B3GALT1: variants seen among roughly 807,000 people sequenced by gnomAD.
The protein encoded by B3GALT1 is beta-1,3-galactosyltransferase 1, also known as UDP-Gal:betaGlcNAc beta 1,3-galactosyltransferase, polypeptide 1.
A neutral mutation model predicts 23.2 loss-of-function variants in B3GALT1; 10 were observed. The ratio of observed to expected loss-of-function variants is 0.43; its 90% CI spans 0.27 to 0.73. The LOEUF is 0.73. B3GALT1 is among the 30% of genes least tolerant of loss of function. The pLI, the probability that B3GALT1 is intolerant of heterozygous loss-of-function variation, is 0.21. For synonymous variants in B3GALT1, 156 were observed against 141.5 expected (o/e 1.10, Z -0.73); for missense variants, 299 against 405.4 (o/e 0.74, Z 2.25).
intron 1 of B3GALT1, among the ~76,000 whole-genome samples, chr2:167,402,111 CAA>C (rs1698201884): frequency 6.6e-6 from 1 of 151,924 alleles, no homozygotes; most frequent in Non-Finnish European, 1.5e-5. Flanking sequence ...TAAATAATAA[CAA>C]TATTATAGAT....
At chr2:167,481,180 C>T (rs985816225) in intron 1 of B3GALT1, among the ~76,000 whole-genome samples, 1 of 151,906 alleles carries the variant, frequency 6.6e-6, no homozygotes, top group African/African-American at 2.4e-5. Context: ...ATCAACCTTA[C>T]CCTGAGGCAT....
intron 3 of B3GALT1, among the ~76,000 whole-genome samples, chr2:167,763,789 C>T (rs1687932897): frequency 6.6e-6 from 1 of 150,602 alleles, no homozygotes. Flanking sequence ...TTTCTGATCA[C>T]TGGAATCATC....
At chr2:167,547,493 A>T (rs891050652) in intron 2 of B3GALT1, among the ~76,000 whole-genome samples, 1 of 152,062 alleles carries the variant, frequency 6.6e-6, no homozygotes, top group African/African-American at 2.4e-5. Context: ...TCAGGAGTTC[A>T]AGACCAGCCT....
At chr2:167,511,735 T>C (rs1031480418) in intron 2 of B3GALT1, among the ~76,000 whole-genome samples, 1 of 152,186 alleles carries the variant, frequency 6.6e-6, no homozygotes, top group Non-Finnish European at 1.5e-5. Flanking sequence ...TTCCTACTTT[T>C]CTGTATTTTG....
chr2:167,497,274 G>A (rs1699795204), intron 2 of B3GALT1, among the ~76,000 whole-genome samples: 1 of 152,040 alleles, frequency 6.6e-6, no homozygotes, highest in African/African-American at 2.4e-5. Flanking sequence ...AAATATGATG[G>A]TTAGAAGAGT....
intron 1 of B3GALT1, among the ~76,000 whole-genome samples, chr2:167,332,228 C>T (rs1696984105): frequency 6.6e-6 from 1 of 152,160 alleles, no homozygotes; most frequent in African/African-American, 2.4e-5. Flanking sequence ...CTCACTTCCC[C>T]TTTTCCTGCA....
intron 3 of B3GALT1, among the ~76,000 whole-genome samples, chr2:167,802,256 G>T (rs1188745218): frequency 6.6e-6 from 1 of 152,154 alleles, no homozygotes; most frequent in African/African-American, 2.4e-5. Context: ...TGTCAATTTG[G>T]GGGGCAGCCT....
intron 1 of B3GALT1, among the ~76,000 whole-genome samples, chr2:167,422,559 C>T (rs1003019716): frequency 7.2e-5 from 11 of 152,090 alleles, no homozygotes; most frequent in African/African-American, 2.7e-4. Context: ...GCAGGGCTCG[C>T]CACTTTATGC....
chr2:167,841,419 G>C (rs1040803829), intron 4 of B3GALT1, among the ~76,000 whole-genome samples: 1 of 152,062 alleles, frequency 6.6e-6, no homozygotes, highest in African/African-American at 2.4e-5. Context: ...AATTTGGGTT[G>C]GTGCCTTTCT....
At chr2:167,573,773 C>T (rs565867372) in intron 2 of B3GALT1, among the ~76,000 whole-genome samples, 16 of 151,242 alleles carry the variant, frequency 1.1e-4, no homozygotes, top group Admixed American at 9.9e-4. Flanking sequence ...TCCAATAATC[C>T]AGAAAAAAAA....
chr2:167,467,687 A>G (rs1574091935), intron 1 of B3GALT1, among the ~76,000 whole-genome samples: 1 of 152,332 alleles, frequency 6.6e-6, no homozygotes, highest in Admixed American at 6.5e-5. Context: ...TTGTTTGTCA[A>G]AAATACTTGT....
At chr2:167,508,217 T>C (rs2105352185) in intron 2 of B3GALT1, among the ~76,000 whole-genome samples, 1 of 152,106 alleles carries the variant, frequency 6.6e-6, no homozygotes, top group South Asian at 2.1e-4. Flanking sequence ...AAATAGTTCT[T>C]ACTTCACAGA....
intron 4 of B3GALT1, among the ~76,000 whole-genome samples, chr2:167,830,375 T>TA (rs59253266): frequency 0.027 from 3,764 of 141,966 alleles, 142 homozygotes; most frequent in African/African-American, 0.088. Flanking sequence ...CGTTCATACT[T>TA]AAAAAAAAAA....
At chr2:167,777,678 C>T (rs1688183385) in intron 3 of B3GALT1, among the ~76,000 whole-genome samples, 1 of 152,158 alleles carries the variant, frequency 6.6e-6, no homozygotes, top group Non-Finnish European at 1.5e-5. Flanking sequence ...AGCATTCTTG[C>T]AAAGGAGTAC....
At chr2:167,593,693 A>G (rs997484141) in intron 2 of B3GALT1, among the ~76,000 whole-genome samples, 4 of 152,232 alleles carry the variant, frequency 2.6e-5, no homozygotes, top group African/African-American at 9.6e-5. Context: ...TGAAAATCCA[A>G]CAGCATGAAC....
chr2:167,790,127 T>C (rs1475499085), intron 3 of B3GALT1, among the ~76,000 whole-genome samples: 7 of 152,208 alleles, frequency 4.6e-5, no homozygotes. Context: ...TGCACCTTGA[T>C]GGCACGCTTA....
chr2:167,527,022 C>T (rs1419499533), intron 2 of B3GALT1, among the ~76,000 whole-genome samples: 1 of 151,938 alleles, frequency 6.6e-6, no homozygotes, highest in Non-Finnish European at 1.5e-5. Context: ...AACATTTCAC[C>T]ATTATCTTCT....
intron 3 of B3GALT1, chr2:167,714,603 A>G: frequency 1.1e-5 from 18 of 1,613,652 alleles, no homozygotes; most frequent in Non-Finnish European, 1.5e-5. Flanking sequence ...GTTTCAGTTA[A>G]TTTTTGTTTG....
chr2:167,460,550 T>A (rs1409414047), intron 1 of B3GALT1, among the ~76,000 whole-genome samples: 1 of 152,268 alleles, frequency 6.6e-6, no homozygotes, highest in East Asian at 1.9e-4. Flanking sequence ...TTTGGGCAAC[T>A]TTAAGAGAGT....
Sources: gnomAD v4.1 joint callset for allele counts (sites outside exome capture counted in the v4.1 genomes callset) on GRCh38, gnomAD v4.1.1 for gene constraint, MANE v1.5 for transcripts, NCBI Gene and HGNC (gene_info 2026-07-23, HGNC 2026-07-21) for gene names.